Variants in CTNNA3 observed in about 807,000 individuals in gnomAD.
CTNNA3 encodes the protein catenin alpha 3.
CTNNA3 carries 76 observed loss-of-function variants against 95.7 expected under a neutral mutation model. The ratio of observed to expected loss-of-function variants is 0.79; its 90% confidence interval spans 0.66 to 0.96. The LOEUF is 0.96. CTNNA3 is among the 40% of genes least tolerant of loss of function. The probability of loss-of-function intolerance (pLI) is 0.00; values close to 1 mark genes in which losing one functional copy is unlikely to be tolerated. For missense variants in CTNNA3, 1,191 were observed against 1,089.8 expected (o/e 1.09, Z -1.31); for synonymous variants, 431 against 374.4 (o/e 1.15, Z -1.74).
intron 11 of CTNNA3, among the ~76,000 whole-genome samples, chr10:66,393,565 T>G (rs1426889857): frequency 6.6e-6 from 1 of 152,110 alleles, no homozygotes; most frequent in Admixed American, 6.6e-5. Context: ...ATTGTGAACA[T>G]ACTACAATTT....
chr10:66,820,125 C>A (rs1456613017), intron 7 of CTNNA3, among the ~76,000 whole-genome samples: 1 of 150,414 alleles, frequency 6.6e-6, no homozygotes, highest in Non-Finnish European at 1.5e-5. Flanking sequence ...AAAATTACAG[C>A]ATATTCATAC....
intron 6 of CTNNA3, among the ~76,000 whole-genome samples, chr10:67,216,240 G>T (rs1297403931): frequency 6.6e-6 from 1 of 152,060 alleles, no homozygotes; most frequent in African/African-American, 2.4e-5. Flanking sequence ...GGAAGTAACA[G>T]GGAACTCTGA....
intron 16 of CTNNA3, among the ~76,000 whole-genome samples, chr10:65,977,417 T>C (rs931521743): frequency 7.9e-5 from 12 of 152,184 alleles, no homozygotes. Flanking sequence ...ACGAACACTT[T>C]TCAAGACTTT....
At chr10:67,335,482 C>T (rs1400676185) in intron 5 of CTNNA3, among the ~76,000 whole-genome samples, 1 of 152,164 alleles carries the variant, frequency 6.6e-6, no homozygotes, top group Non-Finnish European at 1.5e-5. Flanking sequence ...GGAGGTGCTC[C>T]TTATAATTCT....
intron 3 of CTNNA3, among the ~76,000 whole-genome samples, chr10:67,590,134 C>A (rs1456081052): frequency 1.3e-5 from 2 of 152,170 alleles, no homozygotes; most frequent in East Asian, 3.9e-4. Flanking sequence ...ATACTCTGTT[C>A]TTTGCAATAT....
intron 11 of CTNNA3, among the ~76,000 whole-genome samples, chr10:66,514,679 AT>A (rs1840776111): frequency 6.6e-6 from 1 of 152,086 alleles, no homozygotes; most frequent in Non-Finnish European, 1.5e-5. Flanking sequence ...CTTTCATGGG[AT>A]TTAGCACTCA....
chr10:66,450,433 T>C (rs1263538857), intron 11 of CTNNA3, among the ~76,000 whole-genome samples: 1 of 152,120 alleles, frequency 6.6e-6, no homozygotes, highest in African/African-American at 2.4e-5. Context: ...GACCTCACTT[T>C]ACTATACTGA....
At chr10:66,881,068 A>G (rs144510650) in intron 7 of CTNNA3, among the ~76,000 whole-genome samples, 263 of 152,216 alleles carry the variant, frequency 1.7e-3, no homozygotes, top group African/African-American at 6.2e-3. Flanking sequence ...ACTATCAGGC[A>G]GCATCCTGGG....
In CTNNA3 at chr10:65,961,733, T is replaced by C. The variant is rs953654799; in HGVS notation, c.2400+4879A>G. 3.3e-5 allele frequency among the ~76,000 whole-genome samples: 5 copies of C among 151,732 alleles called. No homozygotes were observed. The South Asian group carries it at 1.0e-3, about 32-fold the overall frequency. On this transcript the variant is annotated intron_variant, in intron 17 of 17. Coordinates refer to ENST00000433211, the MANE Select transcript of CTNNA3 (RefSeq NM_013266.4). ...TACCTTGCAGTGAAATATAACAGTA[T>C]GACTAAGCTCTAGCGAATAGTTTGT...
chr10:66,180,983 G>A (rs1331214767), intron 13 of CTNNA3, among the ~76,000 whole-genome samples: 1 of 151,978 alleles, frequency 6.6e-6, no homozygotes, highest in Non-Finnish European at 1.5e-5. Flanking sequence ...AAAATACTAG[G>A]TCATCCAAAT....
intron 7 of CTNNA3, among the ~76,000 whole-genome samples, chr10:67,021,758 C>A (rs1853029990): frequency 6.6e-6 from 1 of 151,874 alleles, no homozygotes; most frequent in Non-Finnish European, 1.5e-5. Context: ...AAAATGTGCA[C>A]AATAAGTAAT....
chr10:66,205,682 A>C (rs1372863542), intron 13 of CTNNA3, among the ~76,000 whole-genome samples: 2 of 151,998 alleles, frequency 1.3e-5, no homozygotes, highest in East Asian at 1.9e-4. Flanking sequence ...AAAACTTTAA[A>C]ATTTGGTAAA....
At chr10:66,779,216 C>A (rs1840432451) in intron 7 of CTNNA3, among the ~76,000 whole-genome samples, 1 of 152,134 alleles carries the variant, frequency 6.6e-6, no homozygotes, top group African/African-American at 2.4e-5. Context: ...TAATAAGACA[C>A]CTTAATGGGT....
At chr10:66,338,469 G>T (rs2092420068) in intron 12 of CTNNA3, among the ~76,000 whole-genome samples, 1 of 151,834 alleles carries the variant, frequency 6.6e-6, no homozygotes, top group Non-Finnish European at 1.5e-5. Context: ...AAAGTGCTTA[G>T]GCCATTTGGA....
chr10:67,713,317 T>C (rs1841123297), intron 1 of CTNNA3, among the ~76,000 whole-genome samples: 1 of 152,190 alleles, frequency 6.6e-6, no homozygotes, highest in Non-Finnish European at 1.5e-5. Flanking sequence ...GAAATAGGAA[T>C]GCTTTAACAC....
At chr10:66,801,556 G>A (rs950161429) in intron 7 of CTNNA3, among the ~76,000 whole-genome samples, 15 of 151,618 alleles carry the variant, frequency 9.9e-5, no homozygotes, top group Admixed American at 9.9e-4. Flanking sequence ...GTAATAAAAA[G>A]TTTAAAACTT....
chr10:66,402,153 T>C (rs1243775985), intron 11 of CTNNA3, among the ~76,000 whole-genome samples: 1 of 152,224 alleles, frequency 6.6e-6, no homozygotes, highest in Non-Finnish European at 1.5e-5. Flanking sequence ...CTGTATTTTA[T>C]ATTACTCATA....
At chr10:66,024,270 T>C (rs898141894) in intron 15 of CTNNA3, among the ~76,000 whole-genome samples, 2 of 151,844 alleles carry the variant, frequency 1.3e-5, no homozygotes, top group Non-Finnish European at 1.5e-5. Context: ...TTTGTATTTT[T>C]AGTAGAGACG....
rs1294411408 is a variant in CTNNA3 at position 67,354,140 on chromosome 10, C to A, written c.580-134270G>T. 3.9e-5 allele frequency among the ~76,000 whole-genome samples: 6 copies of A among 152,100 alleles called. No individual in the cohort carries two copies. In the South Asian group the frequency reaches 1.0e-3, roughly 26 times the overall value. ...AGTCTTGCTTTCTGAGCATTGGATA[C>A]CTGCTTTAAGAGCTAGTTAATGCAC... On this transcript the variant is annotated intron_variant, in intron 5 of 17. Coordinates refer to ENST00000433211, the MANE Select transcript of CTNNA3 (RefSeq NM_013266.4).
Sources: allele counts gnomAD v4.1 joint callset (sites outside exome capture counted in the v4.1 genomes callset), GRCh38; gene constraint gnomAD v4.1.1; transcripts MANE v1.5; gene names NCBI Gene and HGNC (gene_info 2026-07-23, HGNC 2026-07-21).